Variants in MAP2K4 observed in about 807,000 individuals in gnomAD.
MAP2K4 encodes the protein dual specificity mitogen-activated protein kinase kinase 4.
MAP2K4 carries 4 observed loss-of-function variants against 48.5 expected under a neutral mutation model. The observed-to-expected ratio is 0.08, with a 90% CI of 0.04 to 0.19. The LOEUF is 0.19. MAP2K4 is among the 10% of genes least tolerant of loss of function. MAP2K4 has a pLI of 1.00. For synonymous variants in MAP2K4, 166 were observed against 173.1 expected, an observed-to-expected ratio of 0.96 and a Z score of 0.32; for missense variants, 258 against 493.3, an observed-to-expected ratio of 0.52 and a Z score of 4.52.
chr17:12,087,665 T>G (rs1226235621), intron 3 of MAP2K4, among the ~76,000 whole-genome samples: 2 of 152,178 alleles, frequency 1.3e-5, no homozygotes, highest in Non-Finnish European at 2.9e-5. Flanking sequence ...TGAGAGTTTA[T>G]TAAATTGATT....
At chr17:12,117,089 A>T (rs558085332) in intron 7 of MAP2K4, among the ~76,000 whole-genome samples, 1 of 152,278 alleles carries the variant, frequency 6.6e-6, no homozygotes, top group Admixed American at 6.5e-5. Context: ...CAATTTCTGT[A>T]TGTGGGTATG....
chr17:12,083,884 C>T (rs1026627834), intron 3 of MAP2K4, among the ~76,000 whole-genome samples: 1 of 152,098 alleles, frequency 6.6e-6, no homozygotes, highest in Non-Finnish European at 1.5e-5. Context: ...AACCATGAGA[C>T]GGTGGTTCAC....
chr17:12,117,027 C>T (rs941948385), intron 7 of MAP2K4, among the ~76,000 whole-genome samples: 2 of 152,110 alleles, frequency 1.3e-5, no homozygotes, highest in African/African-American at 4.8e-5. Flanking sequence ...TATGGGACAA[C>T]CTTTGTATAT....
chr17:12,107,772 A>G lies in MAP2K4; in HGVS notation c.514-18A>G, dbSNP rs768517132. The G allele has an allele frequency of 6.4e-7, 1 of 1,564,266 alleles. No individual in the cohort carries two copies. The highest frequency in any genetic ancestry group is 1.2e-5 in the South Asian group (1 of 82,366). ...TATTTAAGATGTATAAGAATAACAG[A>G]TATTTGTTATTTTATAGGGTGACTG... is the stretch of plus-strand genomic sequence containing the variant. On this transcript the variant is annotated intron_variant, in intron 4 of 10. Coordinates refer to ENST00000353533, the MANE Select transcript of MAP2K4 (RefSeq NM_003010.4).
intron 1 of MAP2K4, among the ~76,000 whole-genome samples, chr17:12,038,551 A>C (rs1354256685): frequency 6.6e-6 from 1 of 152,160 alleles, no homozygotes; most frequent in East Asian, 1.9e-4. Context: ...CAATGATAAG[A>C]AGCACTGGGA....
intron 8 of MAP2K4, among the ~76,000 whole-genome samples, chr17:12,127,210 A>G (rs951513059): frequency 6.6e-6 from 1 of 152,214 alleles, no homozygotes; most frequent in Non-Finnish European, 1.5e-5. Context: ...GTGACCAAAT[A>G]TAGGAAATAC....
intron 2 of MAP2K4, among the ~76,000 whole-genome samples, chr17:12,066,695 A>AT (rs1052422355): frequency 3.3e-4 from 49 of 147,236 alleles, no homozygotes; most frequent in East Asian, 7.9e-4. Flanking sequence ...CACATGGCTA[A>AT]TTTTTTTTTT....
chr17:12,100,462 C>T (rs183610697), intron 4 of MAP2K4, among the ~76,000 whole-genome samples: 1 of 152,104 alleles, frequency 6.6e-6, no homozygotes, highest in Admixed American at 6.5e-5. Flanking sequence ...TACTCATTTA[C>T]CTGTTGATGG....
intron 5 of MAP2K4, among the ~76,000 whole-genome samples, chr17:12,109,270 T>C (rs1351015004): frequency 6.6e-6 from 1 of 152,190 alleles, no homozygotes; most frequent in East Asian, 1.9e-4. Flanking sequence ...TTATCATATA[T>C]TGCAATATAA....
chr17:12,021,088 C>G (rs1598005136), intron 1 of MAP2K4, 87 bp downstream of exon 1: 1 of 804,894 alleles, frequency 1.2e-6, no homozygotes, highest in East Asian at 3.8e-5. Context: ...GCCCCCGGAC[C>G]CGGCTGAGGA....
chr17:12,030,096 C>A (rs567822732), intron 1 of MAP2K4, among the ~76,000 whole-genome samples: 32 of 152,198 alleles, frequency 2.1e-4, no homozygotes, highest in African/African-American at 7.2e-4. Context: ...CCCATCCTTA[C>A]CCTTTGAGTA....
intron 2 of MAP2K4, among the ~76,000 whole-genome samples, chr17:12,075,559 A>G (rs531800986): frequency 6.6e-6 from 1 of 152,324 alleles, no homozygotes; most frequent in South Asian, 2.1e-4. Flanking sequence ...CTGGGCCAGG[A>G]AGGCTCAGGG....
chr17:12,082,550 A>T (rs1027756688), intron 3 of MAP2K4, among the ~76,000 whole-genome samples: 1 of 152,196 alleles, frequency 6.6e-6, no homozygotes, highest in African/African-American at 2.4e-5. Context: ...GACATTTGAG[A>T]ATGAATTTAA....
intron 1 of MAP2K4, among the ~76,000 whole-genome samples, chr17:12,043,878 T>C (rs974450843): frequency 2.0e-5 from 3 of 152,148 alleles, no homozygotes; most frequent in Non-Finnish European, 4.4e-5. Context: ...GCCATTGGAC[T>C]CCGTCTCTAG....
intron 3 of MAP2K4, among the ~76,000 whole-genome samples, chr17:12,087,203 G>T (rs980039487): frequency 3.9e-5 from 6 of 152,128 alleles, no homozygotes; most frequent in Non-Finnish European, 7.3e-5. Flanking sequence ...ACCAGTATGT[G>T]ATATATTTCC....
chr17:12,023,658 T>C (rs747677886), intron 1 of MAP2K4, among the ~76,000 whole-genome samples: 27 of 152,182 alleles, frequency 1.8e-4, no homozygotes, highest in Non-Finnish European at 3.5e-4. Flanking sequence ...CTTGAATACT[T>C]TTTCATGGCT....
intron 6 of MAP2K4, among the ~76,000 whole-genome samples, chr17:12,111,510 G>A (rs1253969963): frequency 4.2e-5 from 6 of 144,062 alleles, no homozygotes; most frequent in Non-Finnish European, 9.1e-5. Flanking sequence ...TTTGTTAGCT[G>A]TGTTCTATAA....
At chr17:12,115,826 A>G (rs1972472343) in intron 7 of MAP2K4, 2 of 719,424 alleles carry the variant, frequency 2.8e-6, no homozygotes, top group Non-Finnish European at 5.2e-6. Flanking sequence ...CAGGAGCTGC[A>G]CTGTGCGATG....
At chr17:12,099,704 GA>G (rs1198523236) in intron 4 of MAP2K4, among the ~76,000 whole-genome samples, 1 of 152,024 alleles carries the variant, frequency 6.6e-6, no homozygotes. Context: ...TAGGTAGGTG[GA>G]AAAAAGAGCT....
Sources: gnomAD v4.1 joint callset for allele counts (sites outside exome capture counted in the v4.1 genomes callset) on GRCh38, gnomAD v4.1.1 for gene constraint, MANE v1.5 for transcripts, NCBI Gene and HGNC (gene_info 2026-07-23, HGNC 2026-07-21) for gene names.